The following AHNAK variants were observed in gnomAD, a reference collection of about 807,000 sequenced individuals.
AHNAK encodes the protein neuroblast differentiation-associated protein AHNAK.
A neutral mutation model predicts 37.8 loss-of-function variants in AHNAK; 23 were observed. The observed-to-expected ratio is 0.61, with a 90% CI of 0.44 to 0.86. The LOEUF is 0.86. Among genes scored for constraint, AHNAK ranks in the 40% least tolerant of loss-of-function variants. The probability of loss-of-function intolerance (pLI) is 0.00; values close to 1 mark genes in which losing one functional copy is unlikely to be tolerated. For synonymous variants in AHNAK, 2,481 were observed against 2,636.3 expected (o/e 0.94, Z 1.80); for missense variants, 7,411 against 7,319.4 (o/e 1.01, Z -0.46).
At chr11:62,436,537 A>C (rs1938175622) in intron 5 of AHNAK, among the ~76,000 whole-genome samples, 2 of 152,108 alleles carry the variant, frequency 1.3e-5, no homozygotes, top group Non-Finnish European at 2.9e-5. Flanking sequence ...GATTAAGGCA[A>C]ATAATCTCTA....
In AHNAK at chr11:62,543,867, GT is replaced by G. The variant is rs756060108; in HGVS notation, c.-100+2792del. On this transcript the variant is annotated intron_variant, in intron 1 of 4. Transcript: ENST00000378024. Reference sequence around the variant, plus strand: ...CTCAAACCTAAGCGTGCACAGCACGGTGCCAGCCCAGCTCCGGGGAGAGAAA... The same window carrying G: ...CTCAAACCTAAGCGTGCACAGCACGGGCCAGCCCAGCTCCGGGGAGAGAAA... Among the ~76,000 whole-genome samples the G allele has an allele frequency of 3.3e-3, 508 of 152,342 alleles. 2 individuals are homozygous for G. Among genetic ancestry groups the G allele is most frequent in the Non-Finnish European group, 4.8e-3 (324 of 68,018 alleles).
rs776006133 is a variant in AHNAK at position 62,529,009 on chromosome 11, A to G, written c.5408T>C (p.Val1803Ala). 6.2e-7 allele frequency: 1 copy of G among 1,614,164 alleles called. No homozygotes were observed. The highest frequency in any genetic ancestry group is 1.1e-5 in the South Asian group (1 of 91,078). ...PKLKGEIDAS[V>A]PELEGDLRGP... ...TCTGAGATCACCTTCCAGTTCTGGC[A>G]CAGAAGCATCTATCTCTCCCTTCAG... The change falls in exon 5 of 5, where the codon GTG becomes GCG. Residue 1803 changes from valine (V) to alanine (A), a missense_variant. Physicochemically the swap from Val to Ala is moderately conservative, Grantham distance 64 (BLOSUM62 0). Transcript: ENST00000378024.
chr11:62,516,327 C>G lies in AHNAK; in HGVS notation c.*417G>C. Reference sequence around the variant, plus strand: ...GACCTGACCTCCGTCTGCAACCCATCACCCCACCCACCCTTACTAACAAAA... The same window carrying G: ...GACCTGACCTCCGTCTGCAACCCATGACCCCACCCACCCTTACTAACAAAA... On this transcript the variant is annotated 3_prime_UTR_variant, in exon 5 of 5. Coordinates refer to ENST00000378024, the MANE Select transcript of AHNAK (RefSeq NM_001620.3). The G allele has an allele frequency of 8.0e-7, 1 of 1,257,190 alleles. No homozygotes were observed. The highest frequency in any genetic ancestry group is 1.0e-6 in the Non-Finnish European group (1 of 960,994). 77.9% of individuals were successfully genotyped at this position (1,257,190 alleles called of 1,614,324 possible). A position where few individuals can be genotyped will look rare whatever the true frequency, so the allele number is the denominator to read the frequency against.
chr11:62,525,331 T>C lies in AHNAK; in HGVS notation c.9086A>G (p.Lys3029Arg). 6.2e-7 allele frequency: 1 copy of C among 1,612,362 alleles called. No individual in the cohort carries two copies. Among genetic ancestry groups the C allele is most frequent in the South Asian group, 1.1e-5 (1 of 90,974 alleles). ...HLKMPKVKMP[K>R]FSMPGFKGEG... is the part of the protein sequence containing the mutation. ...TCCTTTGAAGCCAGGCATGCTGAAT[T>C]TGGGCATTTTCACTTTGGGCATTTT... Residue 3029 changes from lysine to arginine, a missense_variant, in exon 5 of 5, where the codon AAA (lysine) becomes AGA (arginine). Transcript: ENST00000378024.
chr11:62,464,763 C>T (rs564073240), intron 5 of AHNAK, among the ~76,000 whole-genome samples: 7 of 150,882 alleles, frequency 4.6e-5, no homozygotes, highest in African/African-American at 9.7e-5. Flanking sequence ...CCCAGGAGGT[C>T]GAGGCTACAG....
rs779440163 is a variant in AHNAK, at chr11:62,533,776, G to A, written c.641C>T (p.Ala214Val). 3 of 1,614,140 alleles carry A rather than the reference G, an allele frequency of 1.9e-6. No individual in the cohort carries two copies. The highest frequency in any genetic ancestry group is 2.5e-6 in the Non-Finnish European group (3 of 1,180,022). The change falls in exon 5 of 5, where the codon GCA becomes GTA. Residue 214 changes from alanine (A) to valine (V), a missense_variant. Physicochemically the swap from Ala to Val is moderately conservative, Grantham distance 64. Transcript: ENST00000378024. ...TVIRLPSGSG[A>V]ASPTGSAVDI... ...CACAGCAGAGCCTGTCGGAGAGGCTGCCCCCGAGCCCGAGGGCAGTCTGAT... is the reference window on the plus strand; with the variant it reads ...CACAGCAGAGCCTGTCGGAGAGGCTACCCCCGAGCCCGAGGGCAGTCTGAT...
Position 62,519,435 on chromosome 11 carries a change from A to C in AHNAK, c.14982T>G (p.Pro4994=). 1 of 1,611,656 alleles carries C rather than the reference A, an allele frequency of 6.2e-7. No individual in the cohort carries two copies. The highest frequency in any genetic ancestry group is 8.5e-7 in the Non-Finnish European group (1 of 1,179,064). The change falls in exon 5 of 5, where the codon CCT becomes CCG. Residue 4994 remains proline, a synonymous_variant. Coordinates refer to ENST00000378024, the MANE Select transcript of AHNAK (RefSeq NM_001620.3). Reference sequence around the variant, plus strand: ...CCTCAGGAACAGTGACATCCAGTGAAGGTGACTTGATGTCAGCTTTGGGGC... The same window carrying C: ...CCTCAGGAACAGTGACATCCAGTGACGGTGACTTGATGTCAGCTTTGGGGC... The part of the protein sequence containing the change: ...AKSPKADIKS[P]SLDVTVPEAE...
rs112520121 is a variant in AHNAK at position 62,493,655 on chromosome 11, T to TGG, written c.343-1826_343-1825dup. 2.0e-5 allele frequency among the ~76,000 whole-genome samples: 3 copies of TGG among 150,868 alleles called. No individual in the cohort carries two copies. The South Asian group carries it at 6.3e-4, about 32-fold the overall frequency. On this transcript the variant is annotated intron_variant, in intron 4 of 5. Transcript: ENST00000257247. Reference sequence around the variant, plus strand: ...AGCCTTTTTTTTATTTTTTAAGAGATGGGGGGGGTCCCACTATGTTGACCA... The same window carrying TGG: ...AGCCTTTTTTTTATTTTTTAAGAGATGGGGGGGGGGTCCCACTATGTTGACCA...
chr11:62,462,225 A>G (rs910389015), intron 5 of AHNAK, among the ~76,000 whole-genome samples: 24 of 72,008 alleles, frequency 3.3e-4, no homozygotes, highest in Non-Finnish European at 4.7e-4. Context: ...CCCACCCTCC[A>G]CCCGCTGGGC....
chr11:62,479,140 GCTTTC>G (rs1939209252), intron 5 of AHNAK, among the ~76,000 whole-genome samples: 2 of 147,912 alleles, frequency 1.4e-5, no homozygotes, highest in Admixed American at 1.4e-4. Context: ...TAAGAGCTTT[GCTTTC>G]TTTTCTTTTT....
At chr11:62,433,629 C>G in exon 6 of AHNAK, 1 of 570,254 alleles carries the variant, frequency 1.8e-6, no homozygotes, top group South Asian at 2.3e-5. Context: ...TAGTCCCAAA[C>G]CTAAGCCCAC....
rs371050003 is a variant in AHNAK, at chr11:62,521,948, C to T, written c.12469G>A (p.Asp4157Asn). The T allele has an allele frequency of 6.7e-5, 108 of 1,612,732 alleles. No individual in the cohort carries two copies. Among genetic ancestry groups the T allele is most frequent in the South Asian group, 4.0e-4 (36 of 91,002 alleles). ...VDVSLPKVEGDLKGPEVDIKG... is the reference protein window; with the variant it reads ...VDVSLPKVEGNLKGPEVDIKG... ...ATGTCAACTTCAGGGCCCTTGAGGTCGCCTTCCACTTTGGGCAGAGAAACG... is the reference window on the plus strand; with the variant it reads ...ATGTCAACTTCAGGGCCCTTGAGGTTGCCTTCCACTTTGGGCAGAGAAACG... The change falls in exon 5 of 5, where the codon GAC becomes AAC. Residue 4157 changes from aspartate to asparagine, a missense_variant. Asp to Asn is a conservative substitution (Grantham distance 23). Coordinates refer to ENST00000378024, the MANE Select transcript of AHNAK (RefSeq NM_001620.3).
In AHNAK at chr11:62,519,538, CTGTCCATG is replaced by C. The variant is rs1412219049; in HGVS notation, c.14871_14878del (p.His4957GlnfsTer5). 4.3e-6 allele frequency: 7 copies of C among 1,612,624 alleles called. No homozygotes were observed. Among genetic ancestry groups the C allele is most frequent in the Non-Finnish European group, 5.9e-6 (7 of 1,179,448 alleles). On this transcript the variant is annotated frameshift_variant, in exon 5 of 5. Coordinates refer to ENST00000378024, the MANE Select transcript of AHNAK (RefSeq NM_001620.3). LOFTEE classifies it low-confidence loss of function (END_TRUNC). ...TGGCCCTTCGATGTTAATATCTGGG[CTGTCCATG>C]TGTACATCTAAGCTTGGAGCTTCAA...
At position 62,500,900 on chromosome 11, in the gene AHNAK, C is replaced by T. The variant is rs184292613; in HGVS notation, c.343-9069G>A. On this transcript the variant is annotated intron_variant, in intron 4 of 5. Transcript: ENST00000257247. Reference sequence around the variant, plus strand: ...CCTTGACAACTGGATGTGGACATTGCTCAGACATACTGTATCACATTAAAA... The same window carrying T: ...CCTTGACAACTGGATGTGGACATTGTTCAGACATACTGTATCACATTAAAA... 2.0e-4 allele frequency among the ~76,000 whole-genome samples: 30 copies of T among 152,290 alleles called. No homozygotes were observed. In the East Asian group the frequency reaches 4.6e-3, roughly 23 times the overall value.
chr11:62,542,056 G>C (rs1475020422), intron 1 of AHNAK: 2 of 152,354 alleles, frequency 1.3e-5, no homozygotes, highest in Non-Finnish European at 2.9e-5. Flanking sequence ...GGTTAGGGAG[G>C]TGGAATTACC....
chr11:62,442,222 T>G (rs1478950998), intron 5 of AHNAK, among the ~76,000 whole-genome samples: 1 of 152,196 alleles, frequency 6.6e-6, no homozygotes, highest in Admixed American at 6.5e-5. Context: ...AAATGTTTCT[T>G]TTTAATTAAA....
intron 5 of AHNAK, among the ~76,000 whole-genome samples, chr11:62,464,175 G>C (rs771031502): frequency 1.3e-5 from 2 of 151,644 alleles, no homozygotes; most frequent in African/African-American, 2.4e-5. Context: ...CCACAGGAAC[G>C]GGCCACCATA....
rs140514299 is a variant in AHNAK at position 62,526,441 on chromosome 11, T to G, written c.7976A>C (p.Asp2659Ala). Residue 2659 changes from aspartate to alanine, a missense_variant, in exon 5 of 5, where the codon GAT (aspartate) becomes GCT (alanine). Coordinates refer to ENST00000378024, the MANE Select transcript of AHNAK (RefSeq NM_001620.3). ...AATGTCAGCCTTGGGCAGCTTCACATCCCCATCTGGGCCCTCTCCTTTGAA... is the reference window on the plus strand; with the variant it reads ...AATGTCAGCCTTGGGCAGCTTCACAGCCCCATCTGGGCCCTCTCCTTTGAA... The part of the protein sequence containing the change: ...PGFKGEGPDG[D>A]VKLPKADIDV... 6.7e-4 allele frequency: 1,086 copies of G among 1,611,984 alleles called. 12 individuals carry two copies. The East Asian group carries it at 0.02, about 29-fold the overall frequency.
rs1940897672 is a variant in AHNAK, at chr11:62,535,060, C to T, written c.285G>A (p.Glu95=). 2 of 1,613,886 alleles carry T rather than the reference C, an allele frequency of 1.2e-6. No individual in the cohort carries two copies. Among genetic ancestry groups the T allele is most frequent in the Non-Finnish European group, 1.7e-6 (2 of 1,179,850 alleles). ...CTTCACGGGTCCAGGTCTGGCCAGG[C>T]TCGGGAGAGCGGTCCCCCTTGCGGT... The part of the protein sequence containing the change: ...KLHRKGDRSP[E]PGQTWTREVF... The change falls in exon 4 of 5, where the codon GAG becomes GAA. Residue 95 remains glutamate, a synonymous_variant. Transcript: ENST00000378024.
Sources: gnomAD v4.1 joint callset for allele counts (sites outside exome capture counted in the v4.1 genomes callset) on GRCh38, gnomAD v4.1.1 for gene constraint, MANE v1.5 for transcripts, NCBI Gene and HGNC (gene_info 2026-07-23, HGNC 2026-07-21) for gene names.